The following TAMM41 variants were observed in gnomAD, a reference collection of about 807,000 sequenced individuals.
The protein encoded by TAMM41 is TAM41 mitochondrial translocator assembly and maintenance homolog, also known as phosphatidate cytidylyltransferase, mitochondrial.
TAMM41 carries 36 observed loss-of-function variants against 44.1 expected under a neutral mutation model. The ratio of observed to expected loss-of-function variants is 0.82; its 90% CI spans 0.63 to 1.08. TAMM41 has a LOEUF of 1.08. TAMM41 is among the 50% of genes least tolerant of loss of function. The pLI, the probability that TAMM41 is intolerant of heterozygous loss-of-function variation, is 0.00. For synonymous variants in TAMM41, 164 were observed against 153.1 expected, an observed-to-expected ratio of 1.07 and a Z score of -0.53; for missense variants, 417 against 404.3, an observed-to-expected ratio of 1.03 and a Z score of -0.27.
chr3:11,829,244 T>C (rs2078883505), intron 4 of TAMM41, among the ~76,000 whole-genome samples: 1 of 152,184 alleles, frequency 6.6e-6, no homozygotes, highest in African/African-American at 2.4e-5. Flanking sequence ...ATAAAAATTA[T>C]TGGGCCCTAC....
At chr3:11,814,518 G>T (rs1201067597) in intron 5 of TAMM41, among the ~76,000 whole-genome samples, 1 of 151,462 alleles carries the variant, frequency 6.6e-6, no homozygotes, top group Admixed American at 6.6e-5. Context: ...GAGAGAGAGA[G>T]AGAAAGGAAA....
At chr3:11,807,677 T>C (rs998641013) in intron 7 of TAMM41, 156 bp downstream of exon 7, 16 of 1,536,232 alleles carry the variant, frequency 1.0e-5, no homozygotes, top group African/African-American at 1.4e-5. Context: ...GCTGCTGTTA[T>C]GCCTGTTTGT....
the TAMM41 span, among the ~76,000 whole-genome samples, chr3:11,783,037 T>C: frequency 0.58 from 88,153 of 151,972 alleles, 26,583 homozygotes; most frequent in East Asian, 0.76. Flanking sequence ...CCTCTGGCCA[T>C]GGAGACCCTC....
At chr3:11,805,691 A>T (rs2077887803) in intron 7 of TAMM41, among the ~76,000 whole-genome samples, 1 of 152,226 alleles carries the variant, frequency 6.6e-6, no homozygotes. Context: ...CCAGCTCCCC[A>T]GCAATCTCAA....
chr3:11,731,256 G>T, the TAMM41 span, among the ~76,000 whole-genome samples: 1,874 of 152,254 alleles, frequency 0.012, 42 homozygotes, highest in African/African-American at 0.043. Flanking sequence ...ATCTTGTTTA[G>T]ACTATTTTAT....
chr3:11,840,236 ATTTTTT>A (rs34715548), intron 2 of TAMM41, among the ~76,000 whole-genome samples: 1 of 145,316 alleles, frequency 6.9e-6, no homozygotes, highest in African/African-American at 2.6e-5. Context: ...AATTAAACTC[ATTTTTT>A]TTTTTTTTAA....
chr3:11,729,538 CATTTTTTTTTTTTTTTTTT>C, the TAMM41 span, among the ~76,000 whole-genome samples: 1 of 65,540 alleles, frequency 1.5e-5, no homozygotes, highest in African/African-American at 5.3e-5. Flanking sequence ...TTCTTTCTTT[CATTTTTTTTTTTTTTTTTT>C]TTTTTTTTTT....
At chr3:11,732,937 T>C in the TAMM41 span, among the ~76,000 whole-genome samples, 1 of 151,292 alleles carries the variant, frequency 6.6e-6, no homozygotes, top group African/African-American at 2.4e-5. Flanking sequence ...TTATTCTACA[T>C]GCCAAGGGAA....
chr3:11,773,941 T>A, the TAMM41 span, among the ~76,000 whole-genome samples: 1 of 151,924 alleles, frequency 6.6e-6, no homozygotes, highest in East Asian at 1.9e-4. Flanking sequence ...ATACAAAAAT[T>A]AGCAGGGCAT....
the TAMM41 span, among the ~76,000 whole-genome samples, chr3:11,748,031 C>T: frequency 1.3e-5 from 2 of 151,368 alleles, no homozygotes; most frequent in African/African-American, 4.9e-5. Context: ...CACACCACTA[C>T]ACCTGGCTAA....
chr3:11,775,959 T>C, the TAMM41 span, among the ~76,000 whole-genome samples: 5 of 152,274 alleles, frequency 3.3e-5, no homozygotes, highest in African/African-American at 1.2e-4. Flanking sequence ...TTTGCAAATG[T>C]TTTTCTTTTG....
chr3:11,807,292 G>A, intron 7 of TAMM41: 1 of 1,441,820 alleles, frequency 6.9e-7, no homozygotes, highest in South Asian at 1.5e-5. Flanking sequence ...GAGGACAGAG[G>A]GATGGGAGGG....
At chr3:11,817,020 C>T (rs763978680) in intron 5 of TAMM41, 172 bp downstream of exon 5, 14 of 624,060 alleles carry the variant, frequency 2.2e-5, no homozygotes, top group Non-Finnish European at 3.5e-5. Context: ...TATTACTAGT[C>T]TGTTACCTTT....
chr3:11,774,550 G>A, the TAMM41 span, among the ~76,000 whole-genome samples: 1 of 152,208 alleles, frequency 6.6e-6, no homozygotes, highest in Non-Finnish European at 1.5e-5. Context: ...TCCCAAGACT[G>A]CCCAGGGCCC....
At chr3:11,805,681 C>A (rs1013372708) in intron 7 of TAMM41, among the ~76,000 whole-genome samples, 5 of 152,176 alleles carry the variant, frequency 3.3e-5, no homozygotes, top group African/African-American at 9.7e-5. Context: ...TGTGACCATA[C>A]CAGCTCCCCA....
the TAMM41 span, among the ~76,000 whole-genome samples, chr3:11,757,180 C>T: frequency 2.0e-5 from 3 of 152,198 alleles, no homozygotes; most frequent in African/African-American, 7.2e-5. Flanking sequence ...TTACAGTCTT[C>T]ATTCTATTTT....
At chr3:11,753,693 C>G in the TAMM41 span, among the ~76,000 whole-genome samples, 1 of 151,724 alleles carries the variant, frequency 6.6e-6, no homozygotes, top group Non-Finnish European at 1.5e-5. Flanking sequence ...GCTGAGGTTG[C>G]GCCACTGCAC....
chr3:11,831,257 C>A (rs141104831), intron 3 of TAMM41, among the ~76,000 whole-genome samples: 95 of 152,258 alleles, frequency 6.2e-4, no homozygotes, highest in African/African-American at 2.3e-3. Flanking sequence ...CAGGAGGCCT[C>A]GGTGAGGGCT....
At chr3:11,763,445 T>TA in the TAMM41 span, among the ~76,000 whole-genome samples, 1 of 152,184 alleles carries the variant, frequency 6.6e-6, no homozygotes, top group Non-Finnish European at 1.5e-5. Flanking sequence ...CCCAGTCCCT[T>TA]AAAGCTTTTG....
Sources: allele counts gnomAD v4.1 joint callset (sites outside exome capture counted in the v4.1 genomes callset), GRCh38; gene constraint gnomAD v4.1.1; transcripts MANE v1.5; gene names NCBI Gene and HGNC (gene_info 2026-07-23, HGNC 2026-07-21).